The following MTUS2 variants were observed in gnomAD, a reference collection of about 807,000 sequenced individuals.
The protein encoded by MTUS2 is microtubule associated scaffold protein 2.
A neutral mutation model predicts 114.1 loss-of-function variants in MTUS2; 40 were observed. The ratio of observed to expected loss-of-function variants is 0.35; its 90% CI spans 0.27 to 0.46. MTUS2 has a LOEUF of 0.46. MTUS2 is among the 20% of genes least tolerant of loss of function. MTUS2 has a pLI of 1.00. For missense variants in MTUS2, 1,679 were observed against 1,705.4 expected (o/e 0.98, Z 0.27); for synonymous variants, 688 against 672.0 (o/e 1.02, Z -0.37).
In MTUS2 at chr13:28,898,156, A is replaced by G. The variant is rs1478903014; in HGVS notation, c.-243+58306A>G. Reference sequence around the variant, plus strand: ...TAATTTGGAGGACCCAGTACAAAATAAAAATACGGGGTTTCCTGTTAAAAA... The same window carrying G: ...TAATTTGGAGGACCCAGTACAAAATGAAAATACGGGGTTTCCTGTTAAAAA... On this transcript the variant is annotated intron_variant, in intron 2 of 15. Transcript: ENST00000612955. Among the ~76,000 whole-genome samples, 11 of 152,294 alleles carry G rather than the reference A, an allele frequency of 7.2e-5. No homozygotes were observed. In the South Asian group the frequency reaches 1.5e-3, roughly 20 times the overall value.
intron 5 of MTUS2, among the ~76,000 whole-genome samples, chr13:29,134,324 A>C (rs959277275): frequency 1.3e-5 from 2 of 152,104 alleles, no homozygotes; most frequent in Non-Finnish European, 2.9e-5. Context: ...AAAATTTCCC[A>C]TGTGCACTTG....
At chr13:28,990,840 T>C (rs1884813066) in intron 2 of MTUS2, among the ~76,000 whole-genome samples, 1 of 150,428 alleles carries the variant, frequency 6.6e-6, no homozygotes, top group African/African-American at 2.4e-5. Flanking sequence ...ACTACTTTTA[T>C]AAGCTGTACC....
At chr13:28,987,138 T>G (rs1256462920) in intron 2 of MTUS2, among the ~76,000 whole-genome samples, 1 of 152,194 alleles carries the variant, frequency 6.6e-6, no homozygotes, top group Non-Finnish European at 1.5e-5. Context: ...CCTCGGACTC[T>G]CCTGGAGCTC....
At chr13:28,926,284 TAAA>T in intron 2 of MTUS2, among the ~76,000 whole-genome samples, 1 of 152,326 alleles carries the variant, frequency 6.6e-6, no homozygotes, top group Admixed American at 6.5e-5. Flanking sequence ...AGATGAGTAA[TAAA>T]AAATCAATTA....
At chr13:29,064,198 G>A (rs1343981667) in intron 4 of MTUS2, among the ~76,000 whole-genome samples, 1 of 152,140 alleles carries the variant, frequency 6.6e-6, no homozygotes, top group African/African-American at 2.4e-5. Flanking sequence ...TTATTAGATG[G>A]ACTAAGTGAA....
intron 5 of MTUS2, among the ~76,000 whole-genome samples, chr13:29,268,348 G>A (rs1004339991): frequency 1.8e-4 from 27 of 152,222 alleles, no homozygotes; most frequent in African/African-American, 6.5e-4. Context: ...TCAGTTTTAG[G>A]AGGGAGTCAA....
intron 6 of MTUS2, among the ~76,000 whole-genome samples, chr13:29,282,555 C>A: frequency 6.6e-6 from 1 of 152,214 alleles, no homozygotes; most frequent in East Asian, 1.9e-4. Flanking sequence ...ATCCCTCCCA[C>A]AAGTGCATCT....
chr13:29,104,192 G>A (rs1890554998), intron 5 of MTUS2, among the ~76,000 whole-genome samples: 1 of 152,144 alleles, frequency 6.6e-6, no homozygotes, highest in Non-Finnish European at 1.5e-5. Flanking sequence ...TTTCCACAAG[G>A]TTGTGGCAAA....
intron 1 of MTUS2, among the ~76,000 whole-genome samples, chr13:28,825,512 C>T (rs1250603065): frequency 1.3e-5 from 2 of 152,182 alleles, no homozygotes; most frequent in Non-Finnish European, 2.9e-5. Flanking sequence ...GGGGAAATTA[C>T]TCAGTCATTG....
At chr13:29,325,524 G>T (rs1900463908) in intron 7 of MTUS2, among the ~76,000 whole-genome samples, 1 of 141,408 alleles carries the variant, frequency 7.1e-6, no homozygotes, top group African/African-American at 2.7e-5. Flanking sequence ...AGGAGGAGGA[G>T]GGAGGAAGGA....
chr13:29,231,424 G>A (rs545192983), intron 5 of MTUS2, among the ~76,000 whole-genome samples: 2 of 152,150 alleles, frequency 1.3e-5, no homozygotes, highest in Non-Finnish European at 2.9e-5. Flanking sequence ...ATCACAGATA[G>A]AGCTTACAGT....
At chr13:28,863,390 C>T (rs1877108532) in intron 2 of MTUS2, among the ~76,000 whole-genome samples, 1 of 152,172 alleles carries the variant, frequency 6.6e-6, no homozygotes, top group Non-Finnish European at 1.5e-5. Context: ...CCACCATGAG[C>T]CTTTATATAA....
chr13:29,345,096 C>T (rs1281598112), intron 7 of MTUS2, among the ~76,000 whole-genome samples: 1 of 152,154 alleles, frequency 6.6e-6, no homozygotes, highest in Non-Finnish European at 1.5e-5. Flanking sequence ...AAGATTCTTT[C>T]CTTTGTCTTC....
chr13:29,388,782 C>T (rs1273231872), intron 8 of MTUS2, among the ~76,000 whole-genome samples: 2 of 152,080 alleles, frequency 1.3e-5, no homozygotes, highest in Non-Finnish European at 2.9e-5. Flanking sequence ...CGTGTTCTGT[C>T]AGTGACTTAT....
intron 2 of MTUS2, among the ~76,000 whole-genome samples, chr13:28,943,173 G>A (rs1436999283): frequency 6.6e-6 from 1 of 152,162 alleles, no homozygotes; most frequent in African/African-American, 2.4e-5. Context: ...GCTAAGGAAT[G>A]TAATAGTGCT....
At chr13:29,365,510 T>TTGTTTGTG (rs1668105755) in intron 8 of MTUS2, among the ~76,000 whole-genome samples, 1 of 146,822 alleles carries the variant, frequency 6.8e-6, no homozygotes, top group African/African-American at 2.5e-5. Flanking sequence ...TTGTTTGGGT[T>TTGTTTGTG]TGTGTGTGTG....
intron 5 of MTUS2, among the ~76,000 whole-genome samples, chr13:29,122,032 T>G (rs117884508): frequency 7.5e-4 from 114 of 152,290 alleles, no homozygotes; most frequent in Non-Finnish European, 1.3e-3. Flanking sequence ...AGGTTCCTTG[T>G]AGGCTAAAGG....
chr13:28,978,809 A>T (rs1884229167), intron 2 of MTUS2, among the ~76,000 whole-genome samples: 1 of 152,024 alleles, frequency 6.6e-6, no homozygotes, highest in Non-Finnish European at 1.5e-5. Flanking sequence ...GGGTCAGTGG[A>T]CTCTACACTA....
chr13:29,316,174 C>T (rs1051705112), intron 6 of MTUS2, among the ~76,000 whole-genome samples: 15 of 152,268 alleles, frequency 9.9e-5, no homozygotes, highest in African/African-American at 3.4e-4. Context: ...ACTTTACACA[C>T]GTGTGGGGCC....
Sources: allele counts gnomAD v4.1 joint callset (sites outside exome capture counted in the v4.1 genomes callset), GRCh38; gene constraint gnomAD v4.1.1; transcripts MANE v1.5; gene names NCBI Gene and HGNC (gene_info 2026-07-23, HGNC 2026-07-21).